The following AVL9 variants were observed in gnomAD, a reference collection of about 807,000 sequenced individuals.
The protein encoded by AVL9 is late secretory pathway protein AVL9 homolog.
A neutral mutation model predicts 79.2 loss-of-function variants in AVL9; 49 were observed. The ratio of observed to expected loss-of-function variants is 0.62; its 90% CI spans 0.49 to 0.79. The LOEUF is 0.79. Among genes scored for constraint, AVL9 ranks in the 30% least tolerant of loss-of-function variants. The pLI is 0.00. For missense variants in AVL9, 682 were observed against 776.8 expected (o/e 0.88, Z 1.45); for synonymous variants, 299 against 280.6 (o/e 1.07, Z -0.65).
intron 1 of AVL9, chr7:32,534,789 A>T (rs1179108604): frequency 6.6e-6 from 1 of 152,168 alleles, no homozygotes; most frequent in Non-Finnish European, 1.5e-5. Context: ...TACTGAAAAA[A>T]ATATAAAAAT....
In AVL9 at chr7:32,580,844, C is replaced by T; in HGVS notation, c.1785C>T (p.Val595=). The T allele has an allele frequency of 6.2e-7, 1 of 1,613,908 alleles. No individual in the cohort carries two copies. Among genetic ancestry groups the T allele is most frequent in the Non-Finnish European group, 8.5e-7 (1 of 1,179,942 alleles). Residue 595 remains valine, a synonymous_variant, in exon 15 of 16, where the codon GTC becomes GTT. Coordinates refer to ENST00000318709, the MANE Select transcript of AVL9 (RefSeq NM_015060.3). ...NSERGKKIGN[V]MVTTSRNVVQ... Reference sequence around the variant, plus strand: ...AACGTGGCAAAAAAATTGGAAACGTCATGGTCACAACTAGCCGGAATGTTG... The same window carrying T: ...AACGTGGCAAAAAAATTGGAAACGTTATGGTCACAACTAGCCGGAATGTTG...
intron 1 of AVL9, among the ~76,000 whole-genome samples, chr7:32,529,810 A>G (rs900545739): frequency 2.6e-5 from 4 of 152,232 alleles, no homozygotes; most frequent in Non-Finnish European, 4.4e-5. Context: ...ATCAAAACAG[A>G]GAACAATTCC....
At chr7:32,506,055 T>C (rs1787399368) in intron 1 of AVL9, among the ~76,000 whole-genome samples, 1 of 152,210 alleles carries the variant, frequency 6.6e-6, no homozygotes, top group African/African-American at 2.4e-5. Flanking sequence ...TTCATTATTG[T>C]AATTCTATGA....
chr7:32,578,633 C>A (rs1339771751), intron 13 of AVL9, among the ~76,000 whole-genome samples: 1 of 152,052 alleles, frequency 6.6e-6, no homozygotes, highest in Non-Finnish European at 1.5e-5. Flanking sequence ...CATGGTGAAA[C>A]CCTGTCTCTA....
Position 32,516,858 on chromosome 7 carries a change from C to T in AVL9, c.93+21056C>T, listed in dbSNP as rs1787924745. 2.0e-5 allele frequency among the ~76,000 whole-genome samples: 3 copies of T among 151,636 alleles called. No individual in the cohort carries two copies. The South Asian group carries it at 6.2e-4, about 32-fold the overall frequency. On this transcript the variant is annotated intron_variant, in intron 1 of 15. Transcript: ENST00000318709. ...CAGGCACTCTGTTGGTTTTATGGCA[C>T]CTCTGCTTGCAAGTGTTTGTGTAAA...
At position 32,573,327 on chromosome 7, in the gene AVL9, A is replaced by G. The variant is rs2128150595; in HGVS notation, c.1479A>G (p.Leu493=). 6.2e-7 allele frequency: 1 copy of G among 1,613,836 alleles called. No homozygotes were observed. The highest frequency in any genetic ancestry group is 2.2e-5 in the East Asian group (1 of 44,874). The part of the protein sequence containing the change: ...HVTENRDDVF[L]DGTGWEGGDE... ...CTGAGAATCGGGATGACGTCTTCCT[A>G]GATGGCACGGGCTGGGAGGGAGGTG... The change falls in exon 12 of 16, where the codon CTA becomes CTG. Residue 493 remains leucine (L), a synonymous_variant. Coordinates refer to ENST00000318709, the MANE Select transcript of AVL9 (RefSeq NM_015060.3).
In AVL9 at chr7:32,588,506, G is replaced by T. The variant is rs1791892680; in HGVS notation, c.*4599G>T. 6.6e-6 allele frequency: 1 copy of T among 152,138 alleles called. No homozygotes were observed. The highest frequency in any genetic ancestry group is 1.5e-5 in the Non-Finnish European group (1 of 68,030). 9.4% of individuals were successfully genotyped at this position (152,138 alleles called of 1,614,324 possible). On this transcript the variant is annotated 3_prime_UTR_variant, in exon 16 of 16. Coordinates refer to ENST00000318709, the MANE Select transcript of AVL9 (RefSeq NM_015060.3). ...TGAGAAAACTTAAAAAGTTTTCTAA[G>T]GAAGTTTAACTGTGGCACATGTTTT...
intron 1 of AVL9, among the ~76,000 whole-genome samples, chr7:32,512,427 C>G (rs1787720389): frequency 6.6e-6 from 1 of 152,150 alleles, no homozygotes; most frequent in Non-Finnish European, 1.5e-5. Flanking sequence ...ACACTAAAGA[C>G]CAGAAAACGA....
chr7:32,570,047 T>C lies in AVL9; in HGVS notation c.1243T>C (p.Leu415=), dbSNP rs1417471852. The C allele has an allele frequency of 1.2e-6, 2 of 1,614,114 alleles. No individual in the cohort carries two copies. Among genetic ancestry groups the C allele is most frequent in the African/African-American group, 2.7e-5 (2 of 74,954 alleles). Residue 415 remains leucine, a synonymous_variant, in exon 11 of 16, where the codon TTG becomes CTG. Coordinates refer to ENST00000318709, the MANE Select transcript of AVL9 (RefSeq NM_015060.3). ...KGYLCLPYMA[L]QQHHLLSDVT... is the part of the protein sequence containing the mutation. Reference sequence around the variant, plus strand: ...ATATCTGTGTTTGCCTTACATGGCATTGCAGCAGCATCATCTTCTCTCCGA... The same window carrying C: ...ATATCTGTGTTTGCCTTACATGGCACTGCAGCAGCATCATCTTCTCTCCGA...
chr7:32,499,070 G>A (rs1188617293), intron 1 of AVL9, among the ~76,000 whole-genome samples: 1 of 149,194 alleles, frequency 6.7e-6, no homozygotes, highest in Admixed American at 6.8e-5. Context: ...GGCTGAGGCA[G>A]GAGATTTGCT....
chr7:32,501,901 G>A (rs920297726), intron 1 of AVL9, among the ~76,000 whole-genome samples: 2 of 152,074 alleles, frequency 1.3e-5, no homozygotes, highest in African/African-American at 2.4e-5. Context: ...AGACACATAG[G>A]GAGAAGAGCC....
intron 15 of AVL9, 61 bp from the exon 16 acceptor site, chr7:32,583,731 T>TA (rs761845573): frequency 9.4e-7 from 1 of 1,061,082 alleles, no homozygotes; most frequent in Non-Finnish European, 1.4e-6. Context: ...ATGTTGGTCT[T>TA]TCACTGTCTC....
chr7:32,566,722 C>CA (rs34818633), intron 10 of AVL9, among the ~76,000 whole-genome samples: 74,300 of 148,102 alleles, frequency 0.5, 20,092 homozygotes, highest in Admixed American at 0.65. Flanking sequence ...ACTAAAAATA[C>CA]AAAAAAAGAA....
intron 1 of AVL9, among the ~76,000 whole-genome samples, chr7:32,514,156 C>T (rs1323331447): frequency 6.6e-6 from 1 of 152,194 alleles, no homozygotes. Context: ...TTCACTAATC[C>T]TCCTCAGCAC....
chr7:32,565,309 G>C (rs33999676), intron 10 of AVL9, among the ~76,000 whole-genome samples: 127,640 of 152,224 alleles, frequency 0.84, 53,563 homozygotes, highest in Middle Eastern at 0.88. Flanking sequence ...CCTGTAATCC[G>C]AGCACTTTGA....
chr7:32,584,272 G>A lies in AVL9; in HGVS notation c.*365G>A, dbSNP rs545211077. On this transcript the variant is annotated 3_prime_UTR_variant, in exon 16 of 16. Transcript: ENST00000318709. ...GTGTTTGAATATCTAGATGGTCACT[G>A]TAATTTATACTTGCTAAAATTAATT... The A allele has an allele frequency of 5.0e-4, 108 of 216,134 alleles. No individual in the cohort carries two copies. Among genetic ancestry groups the A allele is most frequent in the Non-Finnish European group, 9.2e-4 (98 of 106,314 alleles). 13.4% of individuals were successfully genotyped at this position (216,134 alleles called of 1,614,324 possible).
At chr7:32,505,827 G>T (rs1450239053) in intron 1 of AVL9, among the ~76,000 whole-genome samples, 1 of 152,040 alleles carries the variant, frequency 6.6e-6, no homozygotes, top group African/African-American at 2.4e-5. Flanking sequence ...GTGTCTTAGA[G>T]AAATAAAAGC....
At chr7:32,549,637 G>A (rs113346058) in intron 4 of AVL9, among the ~76,000 whole-genome samples, 9,578 of 151,654 alleles carry the variant, frequency 0.063, 365 homozygotes, top group Non-Finnish European at 0.084. Flanking sequence ...GGCTGTGGCC[G>A]GGCATGGTGG....
chr7:32,513,751 C>T (rs1177187551), intron 1 of AVL9, among the ~76,000 whole-genome samples: 1 of 152,180 alleles, frequency 6.6e-6, no homozygotes, highest in Non-Finnish European at 1.5e-5. Flanking sequence ...TTAGGACCTG[C>T]ACCAGCGCTG....
Sources: allele counts gnomAD v4.1 joint callset (sites outside exome capture counted in the v4.1 genomes callset), GRCh38; gene constraint gnomAD v4.1.1; transcripts MANE v1.5; gene names NCBI Gene and HGNC (gene_info 2026-07-23, HGNC 2026-07-21).